The following RBFOX1 variants were observed in gnomAD, a reference collection of about 807,000 sequenced individuals.
RBFOX1 encodes the protein RNA binding fox-1 homolog 1.
In RBFOX1, 8 loss-of-function variants were observed where a neutral mutation model predicts 57.7. That is an observed-to-expected ratio of 0.14 (90% confidence interval 0.08 to 0.25). The LOEUF (loss-of-function observed/expected upper bound fraction) is 0.25, where lower values mean the gene tolerates loss of function less well. RBFOX1 is among the 10% of genes least tolerant of loss of function. RBFOX1 has a pLI of 1.00. For synonymous variants in RBFOX1, 326 were observed against 222.4 expected (o/e 1.47, Z -4.15); for missense variants, 611 against 548.5 (o/e 1.11, Z -1.14).
At chr16:6,861,864 C>A (rs547468117) in intron 3 of RBFOX1, among the ~76,000 whole-genome samples, 1 of 97,632 alleles carries the variant, frequency 1.0e-5, no homozygotes, top group Non-Finnish European at 1.8e-5. Context: ...TTTGGTCTAG[C>A]TTGCACTTTC....
chr16:6,830,013 T>C (rs926532935), intron 3 of RBFOX1, among the ~76,000 whole-genome samples: 2 of 152,074 alleles, frequency 1.3e-5, no homozygotes, highest in Non-Finnish European at 2.9e-5. Context: ...GCCTTCTGGG[T>C]TCAAGTGATT....
At chr16:6,828,877 T>G (rs1215014404) in intron 3 of RBFOX1, among the ~76,000 whole-genome samples, 1 of 152,160 alleles carries the variant, frequency 6.6e-6, no homozygotes, top group East Asian at 1.9e-4. Context: ...ACCCCTTGGC[T>G]AAAGAAACAC....
chr16:5,450,766 C>T (rs1026531028), intron 1 of RBFOX1, among the ~76,000 whole-genome samples: 24 of 152,250 alleles, frequency 1.6e-4, no homozygotes, highest in African/African-American at 4.6e-4. Flanking sequence ...TGCTGCAGGC[C>T]CCCTTGTGAC....
At chr16:6,410,990 A>G (rs1448115363) in intron 2 of RBFOX1, among the ~76,000 whole-genome samples, 1 of 152,190 alleles carries the variant, frequency 6.6e-6, no homozygotes, top group African/African-American at 2.4e-5. Context: ...CCCGGGATGT[A>G]GTTATCACTT....
intron 4 of RBFOX1, among the ~76,000 whole-genome samples, chr16:5,950,365 C>A (rs1270626403): frequency 3.9e-5 from 6 of 152,278 alleles, no homozygotes; most frequent in Middle Eastern, 3.4e-3. Context: ...ATCTTTCACC[C>A]AGTGGTTTTT....
chr16:6,189,500 T>A (rs2097128792), intron 1 of RBFOX1, among the ~76,000 whole-genome samples: 1 of 152,108 alleles, frequency 6.6e-6, no homozygotes, highest in Non-Finnish European at 1.5e-5. Context: ...GTTAAATGCA[T>A]TGGTTAGCTT....
At chr16:6,419,951 C>A (rs969830709) in intron 2 of RBFOX1, among the ~76,000 whole-genome samples, 2 of 152,098 alleles carry the variant, frequency 1.3e-5, no homozygotes, top group Non-Finnish European at 2.9e-5. Context: ...GCAGGCCCCC[C>A]CATCCCTTCC....
intron 4 of RBFOX1, among the ~76,000 whole-genome samples, chr16:7,394,847 TCCGTC>T (rs2098115492): frequency 6.6e-6 from 1 of 152,212 alleles, no homozygotes; most frequent in Admixed American, 6.5e-5. Context: ...TGTTTTTCAA[TCCGTC>T]TACTTCCACG....
chr16:7,225,243 C>T (rs979722060), intron 4 of RBFOX1, among the ~76,000 whole-genome samples: 1 of 152,096 alleles, frequency 6.6e-6, no homozygotes, highest in South Asian at 2.1e-4. Flanking sequence ...TGTGTCCCCA[C>T]CCAAATCTCA....
chr16:5,530,401 C>T (rs986594290), intron 2 of RBFOX1, among the ~76,000 whole-genome samples: 1 of 152,096 alleles, frequency 6.6e-6, no homozygotes. Flanking sequence ...AGTGACTTGC[C>T]CAAGGTCAAG....
intron 3 of RBFOX1, among the ~76,000 whole-genome samples, chr16:5,608,818 C>A (rs2047677338): frequency 6.6e-6 from 1 of 152,150 alleles, no homozygotes; most frequent in South Asian, 2.1e-4. Context: ...GAGCCCAGAT[C>A]ATTGGTTTCA....
chr16:6,653,740 G>C (rs1274082412), intron 2 of RBFOX1, among the ~76,000 whole-genome samples: 1 of 151,698 alleles, frequency 6.6e-6, no homozygotes, highest in African/African-American at 2.4e-5. Context: ...ATGGATAGAT[G>C]GATGGATGGG....
intron 3 of RBFOX1, among the ~76,000 whole-genome samples, chr16:6,928,721 C>G (rs77416974): frequency 6.6e-6 from 1 of 152,218 alleles, no homozygotes; most frequent in African/African-American, 2.4e-5. Context: ...ATTAAAATGT[C>G]TGCCAATCAA....
In RBFOX1 at chr16:7,186,066, A is replaced by G. The variant is rs190915590; in HGVS notation, c.27+133968A>G. 7.9e-5 allele frequency among the ~76,000 whole-genome samples: 12 copies of G among 152,184 alleles called. No homozygotes were observed. In the East Asian group the frequency reaches 2.3e-3, roughly 29 times the overall value. On this transcript the variant is annotated intron_variant, in intron 4 of 15. Transcript: ENST00000550418. Reference sequence around the variant, plus strand: ...AACCCTGGGAAACATGAATGCTACTATTTTGAAGGATATTCTTTATTTGTC... The same window carrying G: ...AACCCTGGGAAACATGAATGCTACTGTTTTGAAGGATATTCTTTATTTGTC...
chr16:7,289,409 C>T (rs1442814424), intron 4 of RBFOX1, among the ~76,000 whole-genome samples: 1 of 151,974 alleles, frequency 6.6e-6, no homozygotes, highest in African/African-American at 2.4e-5. Flanking sequence ...ATTACCACCA[C>T]CATTATCATC....
At chr16:6,399,023 C>T (rs1479047202) in intron 2 of RBFOX1, among the ~76,000 whole-genome samples, 1 of 152,212 alleles carries the variant, frequency 6.6e-6, no homozygotes, top group Non-Finnish European at 1.5e-5. Flanking sequence ...GGCGAAGGTT[C>T]CCAAACCTCA....
At position 7,126,331 on chromosome 16, in the gene RBFOX1, C is replaced by G. The variant is rs1421126448; in HGVS notation, c.27+74233C>G. ...GGTGGGGGTCATGGGGCAGCACCCG[C>G]AGGTCTAAATCGAGGTGGGGGTTTT... On this transcript the variant is annotated intron_variant, in intron 4 of 15. Coordinates refer to ENST00000550418, the MANE Select transcript of RBFOX1 (RefSeq NM_018723.4). The G allele has an allele frequency of 1.0e-5, 3 of 291,358 alleles. No individual in the cohort carries two copies. The Admixed American group carries it at 1.1e-4, about 11-fold the overall frequency. 18.0% of individuals were successfully genotyped at this position (291,358 alleles called of 1,614,324 possible). A position where few individuals can be genotyped will look rare whatever the true frequency, so the allele number is the denominator to read the frequency against.
At chr16:6,579,369 A>G (rs911764034) in intron 2 of RBFOX1, among the ~76,000 whole-genome samples, 3 of 151,898 alleles carry the variant, frequency 2.0e-5, no homozygotes, top group Non-Finnish European at 4.4e-5. Flanking sequence ...ACACCTGGTG[A>G]TATGGTTTGG....
intron 2 of RBFOX1, among the ~76,000 whole-genome samples, chr16:6,579,019 C>T (rs1247775525): frequency 6.6e-6 from 1 of 151,920 alleles, no homozygotes; most frequent in East Asian, 1.9e-4. Flanking sequence ...CAAACACCAC[C>T]TGTTTTCCCA....
Sources: gnomAD v4.1 joint callset for allele counts (sites outside exome capture counted in the v4.1 genomes callset) on GRCh38, gnomAD v4.1.1 for gene constraint, MANE v1.5 for transcripts, NCBI Gene and HGNC (gene_info 2026-07-23, HGNC 2026-07-21) for gene names.